PLEKHG7: variants seen among roughly 807,000 people sequenced by gnomAD.
PLEKHG7 encodes pleckstrin homology domain-containing family G member 7.
Under a neutral mutation model 85.2 loss-of-function variants are expected in PLEKHG7, and 77 were observed. The ratio of observed to expected loss-of-function variants is 0.90; its 90% CI spans 0.75 to 1.09. The LOEUF is 1.09. Ranked by LOEUF, PLEKHG7 falls within the 50% of genes least tolerant of loss-of-function variation. The pLI, the probability that PLEKHG7 is intolerant of heterozygous loss-of-function variation, is 0.00. For missense variants in PLEKHG7, 777 were observed against 804.3 expected (o/e 0.97, Z 0.41); for synonymous variants, 301 against 302.4 (o/e 1.00, Z 0.05).
At chr12:92,727,781 G>A (rs1871856699) in intron 3 of PLEKHG7, among the ~76,000 whole-genome samples, 1 of 151,760 alleles carries the variant, frequency 6.6e-6, no homozygotes. Flanking sequence ...AGTGGAGACA[G>A]GGTTTCACCA....
rs1872811987 is a variant in PLEKHG7 at position 92,755,872 on chromosome 12, A to G, written c.1474A>G (p.Arg492Gly). The stretch of plus-strand genomic sequence containing the variant: ...GTGGCTGGACAATTTCCAAAAATTT[A>G]GATATCTACAGGAGATTATAGTGTG... The part of the protein sequence containing the change: ...VKWLDNFQKF[R>G]YLQEIIVWPP... Residue 492 changes from arginine to glycine, a missense_variant, in exon 12 of 17, where the codon AGA becomes GGA. Transcript: ENST00000344636. The G allele has an allele frequency of 6.2e-7, 1 of 1,613,798 alleles. No homozygotes were observed. The highest frequency in any genetic ancestry group is 8.5e-7 in the Non-Finnish European group (1 of 1,179,854).
In PLEKHG7 at chr12:92,761,605, GAA is replaced by G. The variant is rs1204887832; in HGVS notation, c.1637-143_1637-142del. The G allele has an allele frequency of 5.6e-5, 55 of 979,152 alleles. No homozygotes were observed. The African/African-American group carries it at 1.1e-3, about 19-fold the overall frequency. The allele number at this position is 979,152 out of a possible 1,614,324, so 60.7% of individuals were successfully genotyped here. ...GAAAGAGAGAATGAAAAGAAAGAAA[GAA>G]AAAGAAAGAAAGAAAGAAGAAAGAA... is the stretch of plus-strand genomic sequence containing the variant. On this transcript the variant is annotated intron_variant, in intron 13 of 16. Coordinates refer to ENST00000344636, the MANE Select transcript of PLEKHG7 (RefSeq NM_001377329.1).
At chr12:92,750,446 T>C (rs1167515334) in intron 10 of PLEKHG7, among the ~76,000 whole-genome samples, 1 of 152,198 alleles carries the variant, frequency 6.6e-6, no homozygotes, top group East Asian at 1.9e-4. Context: ...CTCTAAATTA[T>C]TTACCACGGA....
At chr12:92,726,237 A>C (rs950461749) in intron 3 of PLEKHG7, among the ~76,000 whole-genome samples, 1 of 152,178 alleles carries the variant, frequency 6.6e-6, no homozygotes, top group African/African-American at 2.4e-5. Context: ...GAAAATGGAA[A>C]GAGCAGAGGA....
intron 3 of PLEKHG7, among the ~76,000 whole-genome samples, chr12:92,724,616 T>C (rs909772009): frequency 6.6e-6 from 1 of 152,212 alleles, no homozygotes; most frequent in Non-Finnish European, 1.5e-5. Context: ...TGTTTTTCTA[T>C]TCTGCTGTTG....
intron 11 of PLEKHG7, 69 bp from the exon 12 acceptor site, chr12:92,755,756 C>T (rs1443262240): frequency 9.8e-7 from 1 of 1,022,770 alleles, no homozygotes; most frequent in Non-Finnish European, 1.5e-6. Context: ...TTCCTGTGGA[C>T]CTTGGTTAAA....
chr12:92,735,380 A>C (rs1047213063), intron 5 of PLEKHG7, among the ~76,000 whole-genome samples: 1 of 152,220 alleles, frequency 6.6e-6, no homozygotes, highest in Non-Finnish European at 1.5e-5. Context: ...GCACATTCTG[A>C]AACTATGACA....
chr12:92,711,256 G>A (rs1871362374), intron 3 of PLEKHG7, among the ~76,000 whole-genome samples: 1 of 152,140 alleles, frequency 6.6e-6, no homozygotes, highest in Non-Finnish European at 1.5e-5. Flanking sequence ...TGCATATTGT[G>A]CAGAATAATC....
At chr12:92,753,914 A>G (rs1872755342) in intron 10 of PLEKHG7, among the ~76,000 whole-genome samples, 176 bp from the exon 11 acceptor site, 3 of 152,234 alleles carry the variant, frequency 2.0e-5, no homozygotes, top group Non-Finnish European at 4.4e-5. Context: ...ACTACTGCTA[A>G]TGGAACATGC....
intron 10 of PLEKHG7, among the ~76,000 whole-genome samples, chr12:92,751,672 C>T (rs925773478): frequency 1.3e-5 from 2 of 151,914 alleles, no homozygotes; most frequent in Non-Finnish European, 2.9e-5. Flanking sequence ...CCACGCCCGG[C>T]CAAGAAGATT....
chr12:92,716,859 A>G (rs1233460252), intron 3 of PLEKHG7, among the ~76,000 whole-genome samples: 3 of 152,202 alleles, frequency 2.0e-5, no homozygotes, highest in Non-Finnish European at 4.4e-5. Flanking sequence ...CAGTACCCAG[A>G]AAGAGTCTAC....
intron 15 of PLEKHG7, among the ~76,000 whole-genome samples, chr12:92,768,171 C>T (rs1282597249): frequency 6.6e-6 from 1 of 151,378 alleles, no homozygotes; most frequent in African/African-American, 2.4e-5. Context: ...CCCGCCACTG[C>T]ACTCCAGCCC....
At chr12:92,751,406 C>A (rs1225056071) in intron 10 of PLEKHG7, among the ~76,000 whole-genome samples, 2 of 152,178 alleles carry the variant, frequency 1.3e-5, no homozygotes, top group African/African-American at 4.8e-5. Flanking sequence ...TGCTCTGTTG[C>A]CCAGCCTGTA....
At chr12:92,766,031 C>T (rs1222629014) in intron 15 of PLEKHG7, among the ~76,000 whole-genome samples, 4 of 152,130 alleles carry the variant, frequency 2.6e-5, no homozygotes, top group African/African-American at 9.7e-5. Context: ...ATCTGCCAAG[C>T]CAGACAGCAG....
intron 3 of PLEKHG7, among the ~76,000 whole-genome samples, chr12:92,715,040 A>T (rs1871441122): frequency 6.6e-6 from 1 of 151,876 alleles, no homozygotes. Flanking sequence ...AGATAGATAG[A>T]TAGATAGATA....
At chr12:92,751,667 C>T (rs1872693596) in intron 10 of PLEKHG7, among the ~76,000 whole-genome samples, 1 of 151,944 alleles carries the variant, frequency 6.6e-6, no homozygotes, top group South Asian at 2.1e-4. Context: ...AGCCACCACG[C>T]CCGGCCAAGA....
At chr12:92,718,668 A>T (rs189142491) in intron 3 of PLEKHG7, among the ~76,000 whole-genome samples, 2 of 152,184 alleles carry the variant, frequency 1.3e-5, no homozygotes. Flanking sequence ...GACCTCCTCG[A>T]TCTTCCTTAT....
At chr12:92,733,237 C>T (rs1337418958) in intron 5 of PLEKHG7, among the ~76,000 whole-genome samples, 4 of 152,136 alleles carry the variant, frequency 2.6e-5, no homozygotes, top group African/African-American at 9.7e-5. Flanking sequence ...GGCAGAAGAC[C>T]AGTGCCAGCC....
At chr12:92,706,244 T>C (rs1041355732) in intron 1 of PLEKHG7, among the ~76,000 whole-genome samples, 1 of 152,360 alleles carries the variant, frequency 6.6e-6, no homozygotes, top group South Asian at 2.1e-4. Flanking sequence ...TGTTTGAACC[T>C]AGAAGGAATA....
Sources: gnomAD v4.1 joint callset for allele counts (sites outside exome capture counted in the v4.1 genomes callset) on GRCh38, gnomAD v4.1.1 for gene constraint, MANE v1.5 for transcripts, NCBI Gene and HGNC (gene_info 2026-07-23, HGNC 2026-07-21) for gene names.